Variants in LIMA1 observed in about 807,000 individuals in gnomAD.
LIMA1 encodes LIM domain and actin-binding protein 1.
In LIMA1, 52 loss-of-function variants were observed where a neutral mutation model predicts 62.6. That is an observed-to-expected ratio of 0.83 (90% CI 0.67 to 1.05). The LOEUF (loss-of-function observed/expected upper bound fraction) is 1.05. Ranked by LOEUF, LIMA1 falls within the 50% of genes least tolerant of loss-of-function variation. The pLI, the probability that LIMA1 is intolerant of heterozygous loss-of-function variation, is 0.00. For missense variants in LIMA1, 780 were observed against 902.2 expected, an observed-to-expected ratio of 0.86 and a Z score of 1.74; for synonymous variants, 302 against 317.8, an observed-to-expected ratio of 0.95 and a Z score of 0.53.
chr12:50,193,322 G>A lies in LIMA1; in HGVS notation c.1031-761C>T, dbSNP rs150571299. On this transcript the variant is annotated intron_variant, in intron 8 of 10. Transcript: ENST00000341247. Reference sequence around the variant, plus strand: ...ATTCAAGCAGAAGGAGTTTTTCTCCGAAATTTTAAGGTAGGATTAACTAGA... The same window carrying A: ...ATTCAAGCAGAAGGAGTTTTTCTCCAAAATTTTAAGGTAGGATTAACTAGA... Among the ~76,000 whole-genome samples the A allele has an allele frequency of 3.9e-3, 590 of 151,220 alleles. 1 individual carries two copies. The highest frequency in any genetic ancestry group is 0.013 in the African/African-American group (554 of 41,222).
intron 2 of LIMA1, among the ~76,000 whole-genome samples, chr12:50,243,563 G>A (rs1393059882): frequency 6.6e-6 from 1 of 152,146 alleles, no homozygotes; most frequent in Admixed American, 6.6e-5. Flanking sequence ...TATTAGCAAC[G>A]TGTTTCCACT....
chr12:50,212,379 T>C lies in LIMA1; in HGVS notation c.631-6311A>G, dbSNP rs146473161. ...TGGCTTTTAGGGAAAAATGGAGCTTTGCTGAACTATGCATGGAAATCGGGG... is the reference window on the plus strand; with the variant it reads ...TGGCTTTTAGGGAAAAATGGAGCTTCGCTGAACTATGCATGGAAATCGGGG... On this transcript the variant is annotated intron_variant, in intron 4 of 10. Transcript: ENST00000341247. Among the ~76,000 whole-genome samples the C allele has an allele frequency of 9.6e-4, 146 of 152,294 alleles. 2 individuals carry two copies. Among genetic ancestry groups the C allele is most frequent in the Non-Finnish European group, 1.3e-4 (9 of 68,026 alleles).
intron 2 of LIMA1, among the ~76,000 whole-genome samples, chr12:50,247,655 G>A (rs957162192): frequency 5.9e-5 from 6 of 101,480 alleles, no homozygotes; most frequent in African/African-American, 2.6e-4. Flanking sequence ...ACAGAGTCTC[G>A]CTCTGTTGCC....
Position 50,248,767 on chromosome 12 carries a change from T to C in LIMA1, c.-16A>G. ...ATGATTCCATCTTGTCTACAGACACTGAAATACCTATGCAATAAAGAAAGT... is the reference window on the plus strand; with the variant it reads ...ATGATTCCATCTTGTCTACAGACACCGAAATACCTATGCAATAAAGAAAGT... On this transcript the variant is annotated 5_prime_UTR_variant, in exon 2 of 11. Coordinates refer to ENST00000341247, the MANE Select transcript of LIMA1 (RefSeq NM_016357.5). 1.4e-6 allele frequency: 2 copies of C among 1,379,970 alleles called. No homozygotes were observed. Among genetic ancestry groups the C allele is most frequent in the Non-Finnish European group, 2.1e-6 (2 of 966,906 alleles). The allele number at this position is 1,379,970 out of a possible 1,614,324, so 85.5% of individuals were successfully genotyped here.
chr12:50,190,682 ATTTTTTTTTTTTT>A (rs762182699), intron 9 of LIMA1, among the ~76,000 whole-genome samples: 28 of 93,038 alleles, frequency 3.0e-4, no homozygotes, highest in Non-Finnish European at 4.0e-4. Context: ...ACCCGGCCTC[ATTTTTTTTTTTTT>A]TTTTTTTTTT....
At chr12:50,204,312 T>A in intron 6 of LIMA1, 1 of 398,536 alleles carries the variant, frequency 2.5e-6, no homozygotes, top group Non-Finnish European at 4.4e-6. Context: ...TCAATGATAC[T>A]CACTGGTAAC....
chr12:50,178,940 G>T (rs914622701), intron 10 of LIMA1, among the ~76,000 whole-genome samples: 3 of 148,600 alleles, frequency 2.0e-5, no homozygotes, highest in Non-Finnish European at 3.0e-5. Context: ...ATTCTTAACG[G>T]TATATAAATA....
intron 5 of LIMA1, among the ~76,000 whole-genome samples, chr12:50,205,373 TC>T (rs2138487650): frequency 6.6e-6 from 1 of 152,140 alleles, no homozygotes; most frequent in South Asian, 2.1e-4. Flanking sequence ...ATGCCTGGGC[TC>T]GTATTTTAAA....
In LIMA1 at chr12:50,177,804, A is replaced by G. The variant is rs1201972690; in HGVS notation, c.1540T>C (p.Ser514Pro). 10 of 1,613,906 alleles carry G rather than the reference A, an allele frequency of 6.2e-6. No homozygotes were observed. Among genetic ancestry groups the G allele is most frequent in the Non-Finnish European group, 7.6e-6 (9 of 1,179,934 alleles). ...GGCTTGTCTTCCTTCTCCTGCTGAG[A>G]GGAGGCCTTGGCTTCCATACTTGCA... ...LAASMEAKAS[S>P]QQEKEDKPAE... The change falls in exon 11 of 11, where the codon TCT (serine) becomes CCT (proline). Residue 514 changes from serine to proline, a missense_variant. Physicochemically the swap from Ser to Pro is moderately conservative, Grantham distance 74. Transcript: ENST00000341247.
In LIMA1 at chr12:50,273,728, A is replaced by G. The variant is rs532336771; in HGVS notation, c.-24+9692T>C. Among the ~76,000 whole-genome samples, 99 of 152,318 alleles carry G rather than the reference A, an allele frequency of 6.5e-4. 2 individuals are homozygous for G. The highest frequency in any genetic ancestry group is 2.3e-3 in the African/African-American group (97 of 41,586). On this transcript the variant is annotated intron_variant, in intron 1 of 10. Coordinates refer to ENST00000341247, the MANE Select transcript of LIMA1 (RefSeq NM_016357.5). The stretch of plus-strand genomic sequence containing the variant: ...GTCTAAACAGTGTGTCTAAACAGTA[A>G]CACATTTCAGAGCATGTGTTAATAG...
intron 1 of LIMA1, among the ~76,000 whole-genome samples, chr12:50,282,653 C>T (rs564977390): frequency 2.6e-5 from 4 of 152,244 alleles, no homozygotes; most frequent in Non-Finnish European, 5.9e-5. Context: ...GCGTGAGCCA[C>T]TGCGCCCGTC....
chr12:50,229,269 C>T (rs1941574663), intron 3 of LIMA1, among the ~76,000 whole-genome samples: 1 of 152,108 alleles, frequency 6.6e-6, no homozygotes, highest in Non-Finnish European at 1.5e-5. Flanking sequence ...TAGTCTTGAA[C>T]TCCTGGCCTC....
Position 50,228,662 on chromosome 12 carries a change from C to T in LIMA1, c.165+3003G>A, listed in dbSNP as rs540707526. 1.8e-4 allele frequency among the ~76,000 whole-genome samples: 27 copies of T among 152,248 alleles called. No individual in the cohort carries two copies. In the South Asian group the frequency reaches 3.5e-3, roughly 20 times the overall value. On this transcript the variant is annotated intron_variant, in intron 3 of 10. Coordinates refer to ENST00000341247, the MANE Select transcript of LIMA1 (RefSeq NM_016357.5). ...CACTTTGACACATGTCCATTTTATC[C>T]GCAGCGGGGATCTCTTCCAATTCTA...
In LIMA1 at chr12:50,222,283, T is replaced by C; in HGVS notation, c.368A>G (p.Gln123Arg). The change falls in exon 4 of 11, where the codon CAA (glutamine) becomes CGA (arginine). Residue 123 changes from glutamine (Q) to arginine (R), a missense_variant. Gln to Arg is a conservative substitution (Grantham distance 43). Coordinates refer to ENST00000341247, the MANE Select transcript of LIMA1 (RefSeq NM_016357.5). ...ASGAKADQEE[Q>R]IHPRSRLRSP... is the part of the protein sequence containing the mutation. ...CCTGAGTCTAGATCTGGGGTGGATT[T>C]GTTCTTCTTGGTCAGCTTTGGCTCC... The C allele has an allele frequency of 6.2e-7, 1 of 1,614,142 alleles. No individual in the cohort carries two copies. The highest frequency in any genetic ancestry group is 2.2e-5 in the East Asian group (1 of 44,890).
At chr12:50,190,710 T>G (rs1196330410) in intron 9 of LIMA1, among the ~76,000 whole-genome samples, 1 of 88,602 alleles carries the variant, frequency 1.1e-5, no homozygotes, top group East Asian at 2.6e-4. Context: ...TTTTTTTTTT[T>G]TTTTTTTTCA....
chr12:50,218,983 G>A (rs999006405), intron 4 of LIMA1, among the ~76,000 whole-genome samples: 1 of 151,710 alleles, frequency 6.6e-6, no homozygotes, highest in African/African-American at 2.4e-5. Flanking sequence ...GGTAAAACTG[G>A]TCTTCTCTAT....
intron 1 of LIMA1, among the ~76,000 whole-genome samples, chr12:50,271,219 C>T (rs771614417): frequency 1.3e-5 from 2 of 152,142 alleles, no homozygotes; most frequent in Non-Finnish European, 2.9e-5. Flanking sequence ...TGCAGTGAGC[C>T]GTGACTATGC....
At chr12:50,197,778 T>C (rs562184465) in intron 7 of LIMA1, among the ~76,000 whole-genome samples, 1 of 150,856 alleles carries the variant, frequency 6.6e-6, no homozygotes, top group South Asian at 2.1e-4. Flanking sequence ...ATTTCAATGC[T>C]GGGAATATTT....
At chr12:50,230,646 G>A (rs149382876) in intron 3 of LIMA1, among the ~76,000 whole-genome samples, 2,704 of 151,724 alleles carry the variant, frequency 0.018, 83 homozygotes, top group African/African-American at 0.061. Flanking sequence ...GCGTGATCTC[G>A]GCTCACTGCA....
Sources: gnomAD v4.1 joint callset for allele counts (sites outside exome capture counted in the v4.1 genomes callset) on GRCh38, gnomAD v4.1.1 for gene constraint, MANE v1.5 for transcripts, NCBI Gene and HGNC (gene_info 2026-07-23, HGNC 2026-07-21) for gene names.